The following CCDC30 variants were observed in gnomAD, a reference collection of about 807,000 sequenced individuals.
CCDC30 encodes coiled-coil domain-containing protein 30.
In CCDC30, 70 loss-of-function variants were observed where a neutral mutation model predicts 100.2. That is an observed-to-expected ratio of 0.70 (90% CI 0.58 to 0.85). The LOEUF (loss-of-function observed/expected upper bound fraction) is 0.85, where lower values mean the gene tolerates loss of function less well. CCDC30 is among the 40% of genes least tolerant of loss of function. The probability of loss-of-function intolerance (pLI) is 0.00; values close to 1 mark genes in which losing one functional copy is unlikely to be tolerated. For missense variants in CCDC30, 652 were observed against 771.2 expected, an observed-to-expected ratio of 0.85 and a Z score of 1.83; for synonymous variants, 233 against 269.5, an observed-to-expected ratio of 0.86 and a Z score of 1.33.
At chr1:42,637,476 C>A in intron 12 of CCDC30, 98 bp downstream of exon 16, 1 of 1,100,388 alleles carries the variant, frequency 9.1e-7, no homozygotes, top group Non-Finnish European at 1.3e-6. Flanking sequence ...GAGACCCCTT[C>A]ATAGTCCTCG....
chr1:42,617,695 G>A (rs1646752291), intron 11 of CCDC30, among the ~76,000 whole-genome samples: 1 of 152,200 alleles, frequency 6.6e-6, no homozygotes, highest in Non-Finnish European at 1.5e-5. Flanking sequence ...GTCAGTTCCT[G>A]GGTGGGGGCC....
At chr1:42,546,399 A>AATATAT (rs66804938) in intron 6 of CCDC30, among the ~76,000 whole-genome samples, 51 of 11,968 alleles carry the variant, frequency 4.3e-3, no homozygotes, top group African/African-American at 0.01. Flanking sequence ...AAAAAAAAAA[A>AATATAT]ATATATATAT....
Position 42,471,576 on chromosome 1 carries a change from A to C in CCDC30, c.-92+7678A>C, listed in dbSNP as rs114699295. Among the ~76,000 whole-genome samples, 977 of 152,288 alleles carry C rather than the reference A, an allele frequency of 6.4e-3. 11 individuals are homozygous for C. Among genetic ancestry groups the C allele is most frequent in the African/African-American group, 0.023 (944 of 41,560 alleles). ...TCATAGGATGCTATGTATTCTTAGT[A>C]TCTTGGGCTCTCTGCTACCCAGGAC... On this transcript the variant is annotated intron_variant, in intron 1 of 16. Transcript: ENST00000668663.
intron 3 of CCDC30, among the ~76,000 whole-genome samples, chr1:42,483,417 C>A (rs942670741): frequency 1.4e-4 from 22 of 152,174 alleles, no homozygotes; most frequent in African/African-American, 5.1e-4. Flanking sequence ...ATTACTGAAT[C>A]AAAGGGCAGG....
intron 6 of CCDC30, chr1:42,500,475 G>A (rs143816516): frequency 0.14 from 83,217 of 603,234 alleles, 6,235 homozygotes; most frequent in East Asian, 0.17. Flanking sequence ...GTGCAGTGGC[G>A]TGATGTCGGC....
At chr1:42,566,674 A>G (rs776841517) in intron 7 of CCDC30, among the ~76,000 whole-genome samples, 199 bp downstream of exon 11, 13 of 152,224 alleles carry the variant, frequency 8.5e-5, no homozygotes, top group Non-Finnish European at 1.3e-4. Flanking sequence ...AGAAAAAGGC[A>G]TTAAATTACA....
intron 6 of CCDC30, 98 bp from the exon 7 acceptor site, chr1:42,536,378 G>A (rs543313170): frequency 1.4e-6 from 1 of 730,696 alleles, no homozygotes; most frequent in African/African-American, 1.8e-5. Context: ...AAATCCCCTG[G>A]ATGATTTCAT....
chr1:42,519,453 C>T (rs1039545187), intron 6 of CCDC30, among the ~76,000 whole-genome samples: 1 of 152,132 alleles, frequency 6.6e-6, no homozygotes, highest in Admixed American at 6.5e-5. Flanking sequence ...CTGATTCATT[C>T]TTCTTACTAG....
At chr1:42,458,241 A>G (rs555006587), upstream of CCDC30, among the ~76,000 whole-genome samples, 195 of 152,358 alleles carry the variant, frequency 1.3e-3, 1 homozygote, top group Non-Finnish European at 1.5e-3. Flanking sequence ...TTCTGGCATC[A>G]GTATGAAAGA....
At chr1:42,500,111 T>A in intron 6 of CCDC30, 1 of 1,164,492 alleles carries the variant, frequency 8.6e-7, no homozygotes, top group African/African-American at 1.5e-5. Flanking sequence ...TGATCCAACC[T>A]CTTTGCATCT....
chr1:42,594,118 G>T (rs1458115641), intron 10 of CCDC30: 1 of 152,106 alleles, frequency 6.6e-6, no homozygotes, highest in Non-Finnish European at 1.5e-5. Flanking sequence ...TAAAAATAAA[G>T]AATACTCAAA....
intron 11 of CCDC30, among the ~76,000 whole-genome samples, chr1:42,627,215 C>T (rs1646950628): frequency 6.6e-6 from 1 of 152,266 alleles, no homozygotes; most frequent in Admixed American, 6.5e-5. Flanking sequence ...GGCAAAGAGA[C>T]TAGTGCCATT....
chr1:42,602,152 A>G (rs949635723), intron 10 of CCDC30, among the ~76,000 whole-genome samples: 20 of 152,158 alleles, frequency 1.3e-4, no homozygotes, highest in Non-Finnish European at 2.8e-4. Context: ...TCTAAAATCA[A>G]TTATCTAAGC....
At chr1:42,460,785 CT>C (rs1022725722), upstream of CCDC30, among the ~76,000 whole-genome samples, 3 of 152,202 alleles carry the variant, frequency 2.0e-5, no homozygotes, top group Admixed American at 6.5e-5. Flanking sequence ...GATAATCTCT[CT>C]GCAAAGTAAT....
At chr1:42,598,169 A>G (rs947783224) in intron 10 of CCDC30, among the ~76,000 whole-genome samples, 8 of 151,992 alleles carry the variant, frequency 5.3e-5, no homozygotes, top group Non-Finnish European at 1.2e-4. Context: ...ATAGTAAAGT[A>G]TTAAGAGAAA....
intron 6 of CCDC30, among the ~76,000 whole-genome samples, chr1:42,564,084 A>G (rs955912192): frequency 1.3e-5 from 2 of 152,164 alleles, no homozygotes; most frequent in African/African-American, 4.8e-5. Context: ...AAATAATGAC[A>G]TGGGCTTTTT....
intron 3 of CCDC30, among the ~76,000 whole-genome samples, chr1:42,488,880 G>T (rs1009605427): frequency 6.6e-6 from 1 of 152,162 alleles, no homozygotes; most frequent in South Asian, 2.1e-4. Flanking sequence ...TAGCAAATAA[G>T]GTCTTTCTGG....
At chr1:42,623,738 A>G (rs1003909233) in intron 11 of CCDC30, among the ~76,000 whole-genome samples, 6 of 152,114 alleles carry the variant, frequency 3.9e-5, no homozygotes, top group Non-Finnish European at 8.8e-5. Context: ...TTTCATATAA[A>G]TTTTAGGATA....
rs141822504 is a variant in CCDC30, at chr1:42,504,229, G to A, written c.456+5313G>A. On this transcript the variant is annotated intron_variant, in intron 6 of 16. Coordinates refer to ENST00000668663, the Ensembl canonical transcript of CCDC30. ...TTCCGCCCTGGGTGGGCCAAAACAT[G>A]AGGGCATGTTCCTTGCCCTCATTCC... Among the ~76,000 whole-genome samples the A allele has an allele frequency of 3.9e-5, 6 of 152,356 alleles. No homozygotes were observed. The South Asian group carries it at 8.3e-4, about 21-fold the overall frequency.
Sources: gnomAD v4.1 joint callset for allele counts (sites outside exome capture counted in the v4.1 genomes callset) on GRCh38, gnomAD v4.1.1 for gene constraint, MANE v1.5 for transcripts, NCBI Gene and HGNC (gene_info 2026-07-23, HGNC 2026-07-21) for gene names.